Variants in TTLL10 observed in about 807,000 individuals in gnomAD.
The protein encoded by TTLL10 is tubulin tyrosine ligase like 10.
A neutral mutation model predicts 69.0 loss-of-function variants in TTLL10; 61 were observed. That is an observed-to-expected ratio of 0.88 (90% confidence interval 0.72 to 1.09). The LOEUF is 1.09. Among genes scored for constraint, TTLL10 ranks in the 50% least tolerant of loss-of-function variants. The probability of loss-of-function intolerance (pLI) is 0.00; values close to 1 mark genes in which losing one functional copy is unlikely to be tolerated. For missense variants in TTLL10, 962 were observed against 945.9 expected (o/e 1.02, Z -0.22); for synonymous variants, 408 against 393.3 (o/e 1.04, Z -0.44).
At chr1:1,193,175 A>G (rs1327584299) in intron 13 of TTLL10, among the ~76,000 whole-genome samples, 3 of 151,992 alleles carry the variant, frequency 2.0e-5, no homozygotes, top group Admixed American at 2.0e-4. Context: ...AATACAAAAC[A>G]TTAGCCAGGC....
chr1:1,196,998 C>G, intron 14 of TTLL10, 95 bp from the exon 15 acceptor site: 1 of 1,215,500 alleles, frequency 8.2e-7, no homozygotes, highest in Non-Finnish European at 1.2e-6. Context: ...GAAGCAATCT[C>G]CCAGAGCCAT....
chr1:1,179,681 A>G lies in TTLL10; in HGVS notation c.143A>G (p.His48Arg). 6.4e-7 allele frequency: 1 copy of G among 1,550,910 alleles called. No homozygotes were observed. The highest frequency in any genetic ancestry group is 8.7e-7 in the Non-Finnish European group (1 of 1,146,824). ...GGGACCATCCCTGCGTCACGTCTGC[A>G]CCCAGCACCGGCCTCACAGCCCGGC... is the stretch of plus-strand genomic sequence containing the variant. ...VSGTIPASRL[H>R]PAPASQPGPC... Residue 48 changes from histidine (H) to arginine (R), a missense_variant, in exon 5 of 16, where the codon CAC becomes CGC. Coordinates refer to ENST00000379289, the MANE Select transcript of TTLL10 (RefSeq NM_001130045.2).
rs77119577 is a variant in TTLL10 at position 1,191,571 on chromosome 1, G to T, written c.1402-5029G>T. 3.2e-3 allele frequency among the ~76,000 whole-genome samples: 485 copies of T among 152,230 alleles called. 3 individuals carry two copies. The highest frequency in any genetic ancestry group is 0.011 in the African/African-American group (467 of 41,532). On this transcript the variant is annotated intron_variant, in intron 13 of 15. Transcript: ENST00000379289. Reference sequence around the variant, plus strand: ...GAGAAGGAGGTGTATCCTGTTTTTGGGTGTAGTGTTCTGTAGATGTCTGTG... The same window carrying T: ...GAGAAGGAGGTGTATCCTGTTTTTGTGTGTAGTGTTCTGTAGATGTCTGTG...
chr1:1,181,624 T>G lies in TTLL10; in HGVS notation c.756-117T>G. 1 of 934,360 alleles carries G rather than the reference T, an allele frequency of 1.1e-6. No homozygotes were observed. The highest frequency in any genetic ancestry group is 1.6e-6 in the Non-Finnish European group (1 of 619,368). The allele number at this position is 934,360 out of a possible 1,614,324, so 57.9% of individuals were successfully genotyped here. A position where few individuals can be genotyped will look rare whatever the true frequency, so the allele number is the denominator to read the frequency against. ...ACCGCCGTCCACCCAGCCACCTCCT[T>G]CCACCACAACTCACAGTCCGCCCAC... On this transcript the variant is annotated intron_variant, in intron 8 of 15. Coordinates refer to ENST00000379289, the MANE Select transcript of TTLL10 (RefSeq NM_001130045.2). This position sits in a 1 kb window ranked among gnomAD's most constrained non-coding sequence, Gnocchi z 4.6.
chr1:1,192,289 T>G (rs1049258344), intron 13 of TTLL10, among the ~76,000 whole-genome samples: 13 of 152,286 alleles, frequency 8.5e-5, no homozygotes, highest in Non-Finnish European at 1.8e-4. Flanking sequence ...TATTAGATCT[T>G]CTTGGTTTAT....
Position 1,185,875 on chromosome 1 carries a change from C to G in TTLL10, c.1401+766C>G, listed in dbSNP as rs374664741. 6 of 973,344 alleles carry G rather than the reference C, an allele frequency of 6.2e-6. No individual in the cohort carries two copies. Among genetic ancestry groups the G allele is most frequent in the East Asian group, 1.1e-4 (1 of 8,760 alleles). 60.3% of individuals were successfully genotyped at this position (973,344 alleles called of 1,614,324 possible). ...ATTCACGATCTTAAAGTGTGCAGTT[C>G]AGTGGCTTTTAGTATTTCAAAAGTT... On this transcript the variant is annotated intron_variant, in intron 13 of 15. Transcript: ENST00000379289. This position sits in a 1 kb window ranked among gnomAD's most constrained non-coding sequence, Gnocchi z 6.1.
chr1:1,180,627 G>T lies in TTLL10; in HGVS notation c.625+26G>T, dbSNP rs779869619. 1.6e-5 allele frequency: 25 copies of T among 1,552,158 alleles called. No homozygotes were observed. The African/African-American group carries it at 2.9e-4, about 18-fold the overall frequency. On this transcript the variant is annotated intron_variant, in intron 7 of 15. Transcript: ENST00000379289. ...GTAGCGGGAGCCGGCACCAGAGGCG[G>T]GCAGCCTGCAGGGGCCTCCTGGGCC...
In TTLL10 at chr1:1,182,824, G is replaced by A. The variant is rs905531378; in HGVS notation, c.917-52G>A. ...AGGGTCCTGGTCGGGCCCTAGGAGG[G>A]GCGTGGCTGGGTTGGGGGCGAGGCC... On this transcript the variant is annotated intron_variant, in intron 10 of 15. Coordinates refer to ENST00000379289, the MANE Select transcript of TTLL10 (RefSeq NM_001130045.2). 2.9e-5 allele frequency: 43 copies of A among 1,502,480 alleles called. No individual in the cohort carries two copies. The Admixed American group carries it at 7.2e-4, about 25-fold the overall frequency. The allele number at this position is 1,502,480 out of a possible 1,614,324, so 93.1% of individuals were successfully genotyped here. A position where few individuals can be genotyped will look rare whatever the true frequency, so the allele number is the denominator to read the frequency against.
At position 1,182,896 on chromosome 1, in the gene TTLL10, A is replaced by G; in HGVS notation, c.937A>G (p.Lys313Glu). ...TGCAGAAACCCAGATATGGATCTGC[A>G]AGCCCACAGCCTCCAACCAGGGCAA... is the stretch of plus-strand genomic sequence containing the variant. ...LFDETQIWIC[K>E]PTASNQGKGI... Residue 313 changes from lysine to glutamate, a missense_variant, in exon 11 of 16, where the codon AAG becomes GAG. Physicochemically the swap from Lys to Glu is moderately conservative, Grantham distance 56. Transcript: ENST00000379289. The G allele has an allele frequency of 6.3e-7, 1 of 1,590,332 alleles. No homozygotes were observed.
chr1:1,179,461 C>A, intron 4 of TTLL10, 128 bp downstream of exon 4: 2 of 1,236,568 alleles, frequency 1.6e-6, no homozygotes, highest in Non-Finnish European at 1.1e-6. Flanking sequence ...ATGGCCATGC[C>A]CCGCTGCTCC....
chr1:1,189,265 T>G (rs148927691), intron 13 of TTLL10, among the ~76,000 whole-genome samples: 1 of 152,248 alleles, frequency 6.6e-6, no homozygotes, highest in Non-Finnish European at 1.5e-5. Context: ...CCTCGTCAGG[T>G]TGAGGAAGTT....
In TTLL10 at chr1:1,197,835, C is replaced by T. The variant is rs1252968026; in HGVS notation, c.2010C>T (p.Asn670=). 13 of 1,495,536 alleles carry T rather than the reference C, an allele frequency of 8.7e-6. No homozygotes were observed. Among genetic ancestry groups the T allele is most frequent in the East Asian group, 2.6e-5 (1 of 38,594 alleles). The allele number at this position is 1,495,536 out of a possible 1,614,324, so 92.6% of individuals were successfully genotyped here. Residue 670 remains asparagine (N), a synonymous_variant, in exon 16 of 16, where the codon AAC becomes AAT. Coordinates refer to ENST00000379289, the MANE Select transcript of TTLL10 (RefSeq NM_001130045.2). ...AGGAGGAACGCGAGGAGCCTGAGAACGCGAGGCCCTAGGGGCAGCCACCCG... is the reference window on the plus strand; with the variant it reads ...AGGAGGAACGCGAGGAGCCTGAGAATGCGAGGCCCTAGGGGCAGCCACCCG... The part of the protein sequence containing the change: ...TAKEEREEPE[N]ARP
intron 15 of TTLL10, 119 bp downstream of exon 15, chr1:1,197,305 T>C: frequency 1.5e-6 from 2 of 1,322,902 alleles, no homozygotes; most frequent in Admixed American, 2.0e-5. Context: ...CGAGGGCCTG[T>C]GTGGCAGCGC....
At position 1,181,345 on chromosome 1, in the gene TTLL10, T is replaced by C. The variant is rs919441733; in HGVS notation, c.756-396T>C. On this transcript the variant is annotated intron_variant, in intron 8 of 15. Transcript: ENST00000379289. The surrounding 1 kb of genome is among the most constrained non-coding windows in gnomAD (Gnocchi z 4.6). ...TGGGTGCCCTGAGTGAGGCCGTCCA[T>C]CGCTCACCCAAGTCTGGGCCATCCA... Among the ~76,000 whole-genome samples, 1 of 151,702 alleles carries C rather than the reference T, an allele frequency of 6.6e-6. No individual in the cohort carries two copies. Among genetic ancestry groups the C allele is most frequent in the Non-Finnish European group, 1.5e-5 (1 of 67,934 alleles).
intron 13 of TTLL10, among the ~76,000 whole-genome samples, chr1:1,188,307 C>T (rs1454102641): frequency 1.3e-5 from 2 of 150,754 alleles, no homozygotes; most frequent in Non-Finnish European, 2.9e-5. Flanking sequence ...TGTTCTTTTT[C>T]AAGATTATTT....
intron 13 of TTLL10, among the ~76,000 whole-genome samples, chr1:1,188,642 C>T (rs1327361573): frequency 1.3e-5 from 2 of 152,084 alleles, no homozygotes. Context: ...TGACCTCAGG[C>T]GATCTGCCCA....
chr1:1,180,478 C>G lies in TTLL10; in HGVS notation c.507-5C>G. On this transcript the variant is annotated splice_region_variant and splice_polypyrimidine_tract_variant and intron_variant, in intron 6 of 15. Transcript: ENST00000379289. ...CCAGGTCACCCCCGCCCCCACCCCT[C>G]GCAGCATCAGCTCCTACTGCAAAAG... 1 of 1,549,074 alleles carries G rather than the reference C, an allele frequency of 6.5e-7. No individual in the cohort carries two copies.
At chr1:1,192,694 T>C (rs1471078042) in intron 13 of TTLL10, among the ~76,000 whole-genome samples, 1 of 152,230 alleles carries the variant, frequency 6.6e-6, no homozygotes, top group Non-Finnish European at 1.5e-5. Flanking sequence ...AACACTCCAG[T>C]TGGTATGAGT....
Position 1,179,214 on chromosome 1 carries a change from C to A in TTLL10, c.-2C>A. The A allele has an allele frequency of 1.9e-6, 3 of 1,541,266 alleles. No individual in the cohort carries two copies. The highest frequency in any genetic ancestry group is 2.6e-6 in the Non-Finnish European group (3 of 1,141,956). The stretch of plus-strand genomic sequence containing the variant: ...GGCCCTCGCCCGGGCACCCCCCGGC[C>A]AATGGACCACAGCTGCACCCGGTTC... On this transcript the variant is annotated 5_prime_UTR_variant, in exon 4 of 16. Coordinates refer to ENST00000379289, the MANE Select transcript of TTLL10 (RefSeq NM_001130045.2).
Sources: allele counts gnomAD v4.1 joint callset (sites outside exome capture counted in the v4.1 genomes callset), GRCh38; gene constraint gnomAD v4.1.1; non-coding constraint Gnocchi (gnomAD v3.1); transcripts MANE v1.5; gene names NCBI Gene and HGNC (gene_info 2026-07-23, HGNC 2026-07-21).